Variants in GCN1 observed in about 807,000 individuals in gnomAD.
GCN1 encodes the protein stalled ribosome sensor GCN1.
In GCN1, 90 loss-of-function variants were observed where a neutral mutation model predicts 288.4. The ratio of observed to expected loss-of-function variants is 0.31; its 90% CI spans 0.26 to 0.37. The LOEUF is 0.37. Among genes scored for constraint, GCN1 ranks in the 10% least tolerant of loss-of-function variants. GCN1 has a pLI of 1.00. For synonymous variants in GCN1, 1,386 were observed against 1,420.2 expected, an observed-to-expected ratio of 0.98 and a Z score of 0.54; for missense variants, 2,586 against 3,419.9, an observed-to-expected ratio of 0.76 and a Z score of 6.08.
Position 120,142,390 on chromosome 12 carries a change from T to G in GCN1, c.5829+117A>C. The G allele has an allele frequency of 1.4e-6, 1 of 691,146 alleles. No individual in the cohort carries two copies. The highest frequency in any genetic ancestry group is 2.6e-6 in the Non-Finnish European group (1 of 384,430). 42.8% of individuals were successfully genotyped at this position (691,146 alleles called of 1,614,324 possible). A position where few individuals can be genotyped will look rare whatever the true frequency, so the allele number is the denominator to read the frequency against. ...CAGAATGACTAAGTAAAGAACACAATGTCCCTCTGTTAGGCAGGGTGGATG... is the reference window on the plus strand; with the variant it reads ...CAGAATGACTAAGTAAAGAACACAAGGTCCCTCTGTTAGGCAGGGTGGATG... On this transcript the variant is annotated intron_variant, in intron 44 of 57. Transcript: ENST00000300648. The surrounding 1 kb of genome is among the most constrained non-coding windows in gnomAD (Gnocchi z 4.9).
At chr12:120,141,107 A>G (rs1448983714) in intron 44 of GCN1, 84 bp from the exon 45 acceptor site, 25 of 1,153,042 alleles carry the variant, frequency 2.2e-5, no homozygotes, top group Non-Finnish European at 3.0e-5. Context: ...AGGGCCCTGA[A>G]ACCTCCCAGG....
In GCN1 at chr12:120,190,365, C is replaced by G; in HGVS notation, c.54G>C (p.Val18=). The G allele has an allele frequency of 6.2e-7, 1 of 1,610,022 alleles. No individual in the cohort carries two copies. The highest frequency in any genetic ancestry group is 1.7e-4 in the Middle Eastern group (1 of 6,048). Residue 18 remains valine (V), a synonymous_variant, in exon 2 of 58, where the codon GTG becomes GTC. Coordinates refer to ENST00000300648, the MANE Select transcript of GCN1 (RefSeq NM_006836.2). ...SETLKRFAGK[V]TTASVKERRE... ...TCCGTTCCTTTACACTGGCTGTTGT[C>G]ACCTTCCCTGCAAAACGCTTTAGTG...
At chr12:120,165,811 A>G (rs1315395219) in intron 16 of GCN1, among the ~76,000 whole-genome samples, 1 of 151,716 alleles carries the variant, frequency 6.6e-6, no homozygotes, top group Non-Finnish European at 1.5e-5. Flanking sequence ...TGTTGTTTTG[A>G]GACGGAGTCT....
intron 19 of GCN1, 49 bp downstream of exon 19, chr12:120,163,021 C>A (rs200144836): frequency 4.3e-5 from 70 of 1,613,472 alleles, no homozygotes; most frequent in Admixed American, 3.7e-4. Flanking sequence ...CTGCTCTTAC[C>A]CCATCCCCTA....
chr12:120,177,688 A>G lies in GCN1; in HGVS notation c.725T>C (p.Leu242Pro). Residue 242 changes from leucine to proline, a missense_variant, in exon 8 of 58, where the codon CTG becomes CCG. By Grantham distance (98) the Leu-to-Pro change is moderately conservative. Coordinates refer to ENST00000300648, the MANE Select transcript of GCN1 (RefSeq NM_006836.2). ...TAACGTCCACCTCTCGCTCACCAAC[A>G]GGTACTTCGGAGGCTTGACTTTGCT... Reference protein sequence around the residue: ...LMSKVKPPKYLLDSCAPLLRY... With the variant: ...LMSKVKPPKYPLDSCAPLLRY... The G allele has an allele frequency of 6.2e-7, 1 of 1,611,920 alleles. No homozygotes were observed. Among genetic ancestry groups the G allele is most frequent in the Non-Finnish European group, 8.5e-7 (1 of 1,177,936 alleles).
At position 120,144,902 on chromosome 12, in the gene GCN1, C is replaced by G. The variant is rs1386271795; in HGVS notation, c.5155+21G>C. The G allele has an allele frequency of 6.2e-7, 1 of 1,614,044 alleles. No individual in the cohort carries two copies. The highest frequency in any genetic ancestry group is 8.5e-7 in the Non-Finnish European group (1 of 1,180,002). Reference sequence around the variant, plus strand: ...CCTTAGAGCATTCCCAGGCTGGCCACTGGACCTGCTCTGGCCTTACCCTGT... The same window carrying G: ...CCTTAGAGCATTCCCAGGCTGGCCAGTGGACCTGCTCTGGCCTTACCCTGT... On this transcript the variant is annotated intron_variant, in intron 40 of 57. Transcript: ENST00000300648. This position sits in a 1 kb window ranked among gnomAD's most constrained non-coding sequence, Gnocchi z 4.7.
chr12:120,138,062 A>G lies in GCN1; in HGVS notation c.6250-18T>C. 1 of 1,603,600 alleles carries G rather than the reference A, an allele frequency of 6.2e-7. No individual in the cohort carries two copies. The highest frequency in any genetic ancestry group is 8.5e-7 in the Non-Finnish European group (1 of 1,174,796). On this transcript the variant is annotated intron_variant, in intron 47 of 57. Transcript: ENST00000300648. ...GTTGTCAGCTGGTGGAATGACAAAC[A>G]TTAACTCAGTGAATACTGTGCCAGG... is the stretch of plus-strand genomic sequence containing the variant.
At position 120,151,517 on chromosome 12, in the gene GCN1, G is replaced by A; in HGVS notation, c.4063-126C>T. 5.2e-6 allele frequency: 5 copies of A among 954,180 alleles called. No individual in the cohort carries two copies. In the South Asian group the frequency reaches 8.0e-5, roughly 15 times the overall value. The allele number at this position is 954,180 out of a possible 1,614,324, so 59.1% of individuals were successfully genotyped here. ...CCAAGCCCCATCTCAGCCACTGCCT[G>A]CGGATGTCACAGGGCACCAGAGAAG... On this transcript the variant is annotated intron_variant, in intron 33 of 57. Transcript: ENST00000300648.
In GCN1 at chr12:120,161,559, C is replaced by T. The variant is rs745411095; in HGVS notation, c.2367G>A (p.Lys789=). The T allele has an allele frequency of 8.1e-6, 13 of 1,613,662 alleles. No homozygotes were observed. Among genetic ancestry groups the T allele is most frequent in the Admixed American group, 6.7e-5 (4 of 60,002 alleles). Residue 789 remains lysine (K), a synonymous_variant, in exon 22 of 58, where the codon AAG becomes AAA. Coordinates refer to ENST00000300648, the MANE Select transcript of GCN1 (RefSeq NM_006836.2). ...CTTTGTTCTCTCGCTTCATGTTGGC[C>T]TTTTTTATGCTGTCCTGCTGGGCAC... ...IQSAQQDSIK[K]ANMKRENKAY...
At position 120,148,310 on chromosome 12, in the gene GCN1, G is replaced by A. The variant is rs776408146; in HGVS notation, c.4583C>T (p.Ala1528Val). ...VELLGAMAYC[A>V]PKQLSSCLPN... ...TAGACAGGATGACAGCTGCTTAGGA[G>A]CACAGTACGCCATTGCCCCAAGAAG... Residue 1528 changes from alanine (A) to valine (V), a missense_variant, in exon 37 of 58, where the codon GCT (alanine) becomes GTT (valine). By Grantham distance (64) the Ala-to-Val change is moderately conservative (BLOSUM62 0). Coordinates refer to ENST00000300648, the MANE Select transcript of GCN1 (RefSeq NM_006836.2). 3 of 1,614,006 alleles carry A rather than the reference G, an allele frequency of 1.9e-6. No individual in the cohort carries two copies. Among genetic ancestry groups the A allele is most frequent in the African/African-American group, 2.7e-5 (2 of 75,044 alleles).
intron 15 of GCN1, chr12:120,168,509 G>C (rs549826254): frequency 7.9e-6 from 4 of 506,974 alleles, no homozygotes; most frequent in African/African-American, 5.8e-5. Flanking sequence ...GCTGCCTACA[G>C]GATCCTAGGT....
intron 14 of GCN1, among the ~76,000 whole-genome samples, chr12:120,173,075 T>TC (rs1878361263): frequency 6.7e-6 from 1 of 149,244 alleles, no homozygotes; most frequent in African/African-American, 2.4e-5. Context: ...TTTTTTTTTT[T>TC]CCAAGACAGA....
chr12:120,144,088 C>T lies in GCN1; in HGVS notation c.5495+218G>A, dbSNP rs753332503. 7.9e-5 allele frequency among the ~76,000 whole-genome samples: 12 copies of T among 152,174 alleles called. No homozygotes were observed. The highest frequency in any genetic ancestry group is 4.4e-5 in the Non-Finnish European group (3 of 68,030). On this transcript the variant is annotated intron_variant, in intron 42 of 57. Transcript: ENST00000300648. This position sits in a 1 kb window ranked among gnomAD's most constrained non-coding sequence, Gnocchi z 4.7. ...ACCTCTGGGGCTCAAGTGATCCTTC[C>T]GCCTCAGCCTCCTGTGTAGCTGGGA...
At chr12:120,189,109 G>A (rs1040112038) in intron 2 of GCN1, among the ~76,000 whole-genome samples, 1 of 152,046 alleles carries the variant, frequency 6.6e-6, no homozygotes, top group African/African-American at 2.4e-5. Context: ...TTGCTCTGTC[G>A]CCCAGGCTGG....
At position 120,161,974 on chromosome 12, in the gene GCN1, C is replaced by T. The variant is rs368342798; in HGVS notation, c.2248G>A (p.Val750Met). 24 of 1,613,910 alleles carry T rather than the reference C, an allele frequency of 1.5e-5. No individual in the cohort carries two copies. The highest frequency in any genetic ancestry group is 6.7e-5 in the African/African-American group (5 of 74,926). Residue 750 changes from valine to methionine, a missense_variant, in exon 21 of 58, where the codon GTG (valine) becomes ATG (methionine). Around this residue, in one of 8 missense-constraint regions of GCN1, gnomAD observed 913 missense variants for 1,107.0 expected, o/e 0.82. Coordinates refer to ENST00000300648, the MANE Select transcript of GCN1 (RefSeq NM_006836.2). ...ACCAGGCGCAGTGCAGGGTTCTGCA[C>T]GGAGGCAGTGATGGTGCTGATGAGC... ...PQLISTITAS[V>M]QNPALRLVTR...
chr12:120,149,790 T>C (rs144593032), intron 35 of GCN1, 70 bp from the exon 36 acceptor site: 10 of 1,525,358 alleles, frequency 6.6e-6, no homozygotes, highest in Non-Finnish European at 9.1e-6. Flanking sequence ...ACACCAGTCC[T>C]AGCGTTCCTC....
At chr12:120,165,030 CACACACATAT>C (rs1878067706) in intron 16 of GCN1, among the ~76,000 whole-genome samples, 2 of 145,726 alleles carry the variant, frequency 1.4e-5, no homozygotes, top group African/African-American at 5.2e-5. Context: ...CACACACACA[CACACACATAT>C]ATATATATAT....
intron 5 of GCN1, 142 bp downstream of exon 5, chr12:120,183,427 A>G (rs1878727694): frequency 1.5e-6 from 1 of 657,032 alleles, no homozygotes. Flanking sequence ...GCCATCCACC[A>G]AAGCCACACA....
intron 47 of GCN1, 126 bp downstream of exon 47, chr12:120,138,197 A>G: frequency 1.1e-6 from 1 of 929,526 alleles, no homozygotes; most frequent in Non-Finnish European, 1.7e-6. Flanking sequence ...GGAAGGATGT[A>G]ATGCTTGCAC....
Sources: gnomAD v4.1 joint callset for allele counts (sites outside exome capture counted in the v4.1 genomes callset) on GRCh38, gnomAD v4.1.1 for gene constraint, gnomAD v4.1.1 regional missense constraint, Gnocchi (gnomAD v3.1) non-coding constraint, MANE v1.5 for transcripts, NCBI Gene and HGNC (gene_info 2026-07-23, HGNC 2026-07-21) for gene names.